The following IL34 variants were observed in gnomAD, a reference collection of about 807,000 sequenced individuals.
The protein encoded by IL34 is interleukin 34.
Under a neutral mutation model 25.3 loss-of-function variants are expected in IL34, and 17 were observed. The observed-to-expected ratio is 0.67, with a 90% CI of 0.46 to 1.01. The LOEUF is 1.01. IL34 is among the 50% of genes least tolerant of loss of function. IL34 has a pLI of 0.00. For missense variants in IL34, 368 were observed against 312.9 expected (o/e 1.18, Z -1.33); for synonymous variants, 174 against 140.9 (o/e 1.23, Z -1.66).
intron 1 of IL34, among the ~76,000 whole-genome samples, chr16:70,581,074 G>T (rs2050631395): frequency 2.0e-5 from 3 of 151,862 alleles, no homozygotes; most frequent in Non-Finnish European, 4.4e-5. Context: ...ACCACACCTG[G>T]CTAATTTTTG....
intron 1 of IL34, among the ~76,000 whole-genome samples, chr16:70,600,550 A>AACTTCCCCCTATCTTAGCATCCC (rs2050899723): frequency 1.3e-5 from 2 of 152,210 alleles, no homozygotes; most frequent in Admixed American, 1.3e-4. Flanking sequence ...ACCACATTCT[A>AACTTCCCCCTATCTTAGCATCCC]CTAATTCTAA....
chr16:70,607,877 C>T (rs1390744360), intron 1 of IL34, among the ~76,000 whole-genome samples: 2 of 151,026 alleles, frequency 1.3e-5, no homozygotes, highest in Non-Finnish European at 3.0e-5. Context: ...CAATTTTCCT[C>T]CTGCCTCAGC....
intron 1 of IL34, among the ~76,000 whole-genome samples, chr16:70,583,800 C>T (rs532625260): frequency 4.8e-4 from 73 of 152,122 alleles, no homozygotes; most frequent in Middle Eastern, 3.4e-3. Flanking sequence ...TACAGGTGTG[C>T]GCCACCACGC....
intron 1 of IL34, among the ~76,000 whole-genome samples, chr16:70,611,260 G>A (rs192483065): frequency 1.3e-4 from 20 of 152,276 alleles, no homozygotes; most frequent in Non-Finnish European, 2.2e-4. Flanking sequence ...GGAACTGGAA[G>A]GAAGGGTTGG....
rs1266352746 is a variant in IL34, at chr16:70,659,602, G to A, written c.403-16G>A. The A allele has an allele frequency of 5.0e-6, 8 of 1,597,994 alleles. No homozygotes were observed. Among genetic ancestry groups the A allele is most frequent in the African/African-American group, 1.3e-5 (1 of 74,758 alleles). On this transcript the variant is annotated splice_polypyrimidine_tract_variant and intron_variant, in intron 4 of 5. Coordinates refer to ENST00000288098, the MANE Select transcript of IL34 (RefSeq NM_001393494.1). The stretch of plus-strand genomic sequence containing the variant: ...CCCCATCTCGCCACCGCTCCTGACT[G>A]TTTCCTCCTTTCCAGGATGTGGAGG...
At chr16:70,583,024 AG>A (rs1394466499) in intron 1 of IL34, among the ~76,000 whole-genome samples, 2 of 152,122 alleles carry the variant, frequency 1.3e-5, no homozygotes, top group Non-Finnish European at 2.9e-5. Flanking sequence ...AGATGAGATG[AG>A]GGGAGGTGGT....
chr16:70,654,570 A>G lies in IL34; in HGVS notation c.61A>G (p.Asn21Asp), dbSNP rs1201768835. ...GATCTTCCTTGGCGTGGCCTTGGGGAATGAGCCTTTGGAGATGTGGCCCTT... is the reference window on the plus strand; with the variant it reads ...GATCTTCCTTGGCGTGGCCTTGGGGGATGAGCCTTTGGAGATGTGGCCCTT... ...LGIFLGVALG[N>D]EPLEMWPLTQ... The change falls in exon 2 of 6, where the codon AAT (asparagine) becomes GAT (aspartate). Residue 21 changes from asparagine (N) to aspartate (D), a missense_variant. Transcript: ENST00000288098. 1.2e-6 allele frequency: 2 copies of G among 1,613,132 alleles called. No homozygotes were observed. Among genetic ancestry groups the G allele is most frequent in the Non-Finnish European group, 1.7e-6 (2 of 1,179,458 alleles).
intron 1 of IL34, among the ~76,000 whole-genome samples, chr16:70,639,405 G>A (rs1371023302): frequency 6.6e-6 from 1 of 152,212 alleles, no homozygotes; most frequent in African/African-American, 2.4e-5. Flanking sequence ...TCTTGGCAAA[G>A]CTGTTGATCT....
intron 1 of IL34, among the ~76,000 whole-genome samples, chr16:70,625,578 C>G (rs1392398106): frequency 6.6e-6 from 1 of 152,048 alleles, no homozygotes; most frequent in East Asian, 1.9e-4. Context: ...GGTGAAGGAC[C>G]AAGGCAGGCA....
intron 1 of IL34, among the ~76,000 whole-genome samples, chr16:70,652,250 G>A (rs2151878112): frequency 6.6e-6 from 1 of 152,214 alleles, no homozygotes; most frequent in African/African-American, 2.4e-5. Flanking sequence ...GAGCATAGGA[G>A]TTCAAAACCA....
At chr16:70,611,535 T>A (rs1468244682) in intron 1 of IL34, among the ~76,000 whole-genome samples, 1 of 152,158 alleles carries the variant, frequency 6.6e-6, no homozygotes, top group Non-Finnish European at 1.5e-5. Context: ...ACACCTGTAA[T>A]CCCAGCTCTT....
At chr16:70,656,788 T>C in intron 3 of IL34, 109 bp downstream of exon 3, 1 of 977,642 alleles carries the variant, frequency 1.0e-6, no homozygotes, top group Non-Finnish European at 1.6e-6. Context: ...GCCTGGGGCC[T>C]CTCCTCAGCC....
chr16:70,620,104 G>A (rs1253181888), intron 1 of IL34, among the ~76,000 whole-genome samples: 2 of 152,134 alleles, frequency 1.3e-5, no homozygotes, highest in Admixed American at 1.3e-4. Flanking sequence ...CCTGTTGTGG[G>A]GTTTCAGGGC....
At chr16:70,642,240 CAGAG>C (rs544425905), upstream of IL34, among the ~76,000 whole-genome samples, 166 of 145,978 alleles carry the variant, frequency 1.1e-3, 1 homozygote, top group Admixed American at 3.4e-3. Flanking sequence ...TGGGAAGAGA[CAGAG>C]AGAGAGAGAG....
intron 1 of IL34, among the ~76,000 whole-genome samples, chr16:70,603,489 G>A (rs1023806143): frequency 6.6e-6 from 1 of 152,050 alleles, no homozygotes; most frequent in Non-Finnish European, 1.5e-5. Flanking sequence ...CGTTGGTCAG[G>A]CTGGTCTCGA....
intron 1 of IL34, among the ~76,000 whole-genome samples, chr16:70,585,614 G>A (rs1053964301): frequency 6.6e-6 from 1 of 151,768 alleles, no homozygotes; most frequent in African/African-American, 2.4e-5. Context: ...GAATCCGGGA[G>A]GCAGATGTTG....
chr16:70,646,530 C>T (rs982375788), upstream of IL34: 2 of 200,634 alleles, frequency 1.0e-5, no homozygotes, highest in African/African-American at 4.6e-5. Flanking sequence ...CAGTTTCTCT[C>T]CTCCTTTCTC....
chr16:70,648,013 C>T (rs928946323), intron 1 of IL34, among the ~76,000 whole-genome samples: 6 of 152,066 alleles, frequency 3.9e-5, no homozygotes, highest in South Asian at 2.1e-4. Context: ...AAAGGTTTGG[C>T]GGTGGGATGG....
intron 1 of IL34, among the ~76,000 whole-genome samples, chr16:70,606,575 G>A (rs2051008124): frequency 6.6e-6 from 1 of 151,874 alleles, no homozygotes; most frequent in Admixed American, 6.6e-5. Flanking sequence ...TGTCATTTTA[G>A]ATTCGTTTGG....
Sources: allele counts gnomAD v4.1 joint callset (sites outside exome capture counted in the v4.1 genomes callset), GRCh38; gene constraint gnomAD v4.1.1; transcripts MANE v1.5; gene names NCBI Gene and HGNC (gene_info 2026-07-23, HGNC 2026-07-21).